ULK4: variants seen among roughly 807,000 people sequenced by gnomAD.
ULK4 encodes the protein unc-51 like kinase 4.
A neutral mutation model predicts 160.6 loss-of-function variants in ULK4; 133 were observed. The ratio of observed to expected loss-of-function variants is 0.83; its 90% confidence interval spans 0.72 to 0.96. ULK4 has a LOEUF of 0.96. Ranked by LOEUF, ULK4 falls within the 40% of genes least tolerant of loss-of-function variation. ULK4 has a pLI of 0.00. For synonymous variants in ULK4, 534 were observed against 539.8 expected, an observed-to-expected ratio of 0.99 and a Z score of 0.15; for missense variants, 1,580 against 1,499.5, an observed-to-expected ratio of 1.05 and a Z score of -0.89.
chr3:41,421,215 T>G (rs2082657905), intron 34 of ULK4, among the ~76,000 whole-genome samples: 2 of 152,200 alleles, frequency 1.3e-5, no homozygotes, highest in Non-Finnish European at 2.9e-5. Context: ...AACAAATTTT[T>G]TGTTGTAATT....
At chr3:41,319,487 G>A (rs1040036276) in intron 35 of ULK4, among the ~76,000 whole-genome samples, 2 of 152,138 alleles carry the variant, frequency 1.3e-5, no homozygotes, top group Non-Finnish European at 2.9e-5. Context: ...GAACCTACAG[G>A]CCTCTGACTC....
chr3:41,306,236 C>G (rs868065299), intron 35 of ULK4, among the ~76,000 whole-genome samples: 4 of 88,838 alleles, frequency 4.5e-5, no homozygotes. Flanking sequence ...GTCAGCCCCC[C>G]GCCCGGCCAG....
chr3:41,852,814 CATT>C (rs1014094875), intron 17 of ULK4, among the ~76,000 whole-genome samples: 44 of 152,096 alleles, frequency 2.9e-4, no homozygotes, highest in African/African-American at 8.7e-4. Context: ...AATAGGAGAC[CATT>C]AATATTAAGT....
At chr3:41,716,403 G>C (rs924057021) in intron 23 of ULK4, among the ~76,000 whole-genome samples, 22 of 151,798 alleles carry the variant, frequency 1.4e-4, no homozygotes, top group African/African-American at 4.8e-4. Flanking sequence ...GAATCTTATC[G>C]CCATACCCTA....
chr3:41,448,790 A>G (rs1316216479), intron 34 of ULK4, among the ~76,000 whole-genome samples: 1 of 152,216 alleles, frequency 6.6e-6, no homozygotes, highest in African/African-American at 2.4e-5. Flanking sequence ...GAAGGAAAAG[A>G]CAAGAATGAT....
At chr3:41,550,259 T>G (rs941397276) in intron 32 of ULK4, among the ~76,000 whole-genome samples, 2 of 151,770 alleles carry the variant, frequency 1.3e-5, no homozygotes, top group African/African-American at 4.8e-5. Flanking sequence ...AGAAGATAAA[T>G]TAAAAAATGA....
intron 22 of ULK4, among the ~76,000 whole-genome samples, chr3:41,735,584 T>C (rs571281312): frequency 2.6e-5 from 4 of 152,174 alleles, no homozygotes; most frequent in African/African-American, 9.6e-5. Context: ...TTTGAATTCA[T>C]TCTGGACAAT....
At position 41,789,788 on chromosome 3, in the gene ULK4, T is replaced by A. The variant is rs1221481595; in HGVS notation, c.2066A>T (p.Lys689Met). 2 of 1,613,172 alleles carry A rather than the reference T, an allele frequency of 1.2e-6. No homozygotes were observed. Among genetic ancestry groups the A allele is most frequent in the Non-Finnish European group, 1.7e-6 (2 of 1,179,658 alleles). ...SPTAFQNVIE[K>M]VGLNSVINSL... ...GTTTATTACTGAGTTCAGTCCCACC[T>A]TTTCAATAACATTCTGGAAGGCAGT... The change falls in exon 21 of 37, where the codon AAG (lysine) becomes ATG (methionine). Residue 689 changes from lysine to methionine, a missense_variant. Transcript: ENST00000301831.
At chr3:41,849,236 C>T (rs2042145537) in intron 17 of ULK4, among the ~76,000 whole-genome samples, 1 of 152,152 alleles carries the variant, frequency 6.6e-6, no homozygotes, top group Admixed American at 6.5e-5. Context: ...TAGAGGTAGT[C>T]ATGAAGGACT....
chr3:41,493,006 T>A (rs1322750026), intron 32 of ULK4, among the ~76,000 whole-genome samples: 14 of 134,946 alleles, frequency 1.0e-4, no homozygotes, highest in African/African-American at 3.6e-4. Context: ...ACTGTCAACA[T>A]TAGACAGATC....
At chr3:41,334,982 G>A (rs1378035016) in intron 35 of ULK4, among the ~76,000 whole-genome samples, 2 of 152,122 alleles carry the variant, frequency 1.3e-5, no homozygotes, top group Non-Finnish European at 2.9e-5. Context: ...GAGAATTTAA[G>A]GCAGGATAAA....
intron 30 of ULK4, among the ~76,000 whole-genome samples, chr3:41,653,456 A>AT (rs939476688): frequency 8.5e-5 from 13 of 152,048 alleles, no homozygotes; most frequent in African/African-American, 3.1e-4. Context: ...GTAACGAACT[A>AT]TTTTTTCAAT....
chr3:41,917,661 TAAAAATA>T (rs1267934821), intron 7 of ULK4, among the ~76,000 whole-genome samples: 1 of 152,138 alleles, frequency 6.6e-6, no homozygotes, highest in African/African-American at 2.4e-5. Context: ...TCCAACACTT[TAAAAATA>T]ATACAACTGT....
chr3:41,655,774 G>A (rs891551358), intron 30 of ULK4, among the ~76,000 whole-genome samples: 1 of 152,142 alleles, frequency 6.6e-6, no homozygotes, highest in Non-Finnish European at 1.5e-5. Flanking sequence ...TATAAATTCA[G>A]CTAATTGAGG....
At chr3:41,533,426 C>CA (rs2086390696) in intron 32 of ULK4, among the ~76,000 whole-genome samples, 1 of 152,172 alleles carries the variant, frequency 6.6e-6, no homozygotes, top group African/African-American at 2.4e-5. Flanking sequence ...TGTAATGTCC[C>CA]TGTTACTTCA....
intron 18 of ULK4, among the ~76,000 whole-genome samples, chr3:41,829,763 A>G (rs1280882185): frequency 1.9e-4 from 29 of 150,480 alleles, no homozygotes; most frequent in African/African-American, 6.5e-4. Flanking sequence ...CTAGAACTAG[A>G]AATACCATTT....
chr3:41,554,011 C>A (rs1386310805), intron 32 of ULK4, among the ~76,000 whole-genome samples: 1 of 152,074 alleles, frequency 6.6e-6, no homozygotes, highest in Non-Finnish European at 1.5e-5. Context: ...CCTCTCGTAA[C>A]CTTTATTCTA....
intron 27 of ULK4, among the ~76,000 whole-genome samples, chr3:41,701,629 A>C (rs960150941): frequency 7.2e-5 from 11 of 152,172 alleles, no homozygotes; most frequent in East Asian, 1.9e-4. Flanking sequence ...CTAAAAAAAG[A>C]AGCATACAAA....
rs117712455 is a variant in ULK4, at chr3:41,347,659, C to T, written c.3678+50420G>A. 3.7e-4 allele frequency among the ~76,000 whole-genome samples: 56 copies of T among 152,228 alleles called. No homozygotes were observed. In the East Asian group the frequency reaches 0.01, roughly 28 times the overall value. ...CATCTGCATGATCAAATCGTGCACA[C>T]GTTTGCAAACTCATCTCGGATACCA... On this transcript the variant is annotated intron_variant, in intron 35 of 36. Transcript: ENST00000301831.
Sources: allele counts gnomAD v4.1 joint callset (sites outside exome capture counted in the v4.1 genomes callset), GRCh38; gene constraint gnomAD v4.1.1; transcripts MANE v1.5; gene names NCBI Gene and HGNC (gene_info 2026-07-23, HGNC 2026-07-21).